Variants in SKA2 observed in about 807,000 individuals in gnomAD.
The protein encoded by SKA2 is spindle and kinetochore-associated protein 2.
A neutral mutation model predicts 16.9 loss-of-function variants in SKA2; 13 were observed. The observed-to-expected ratio is 0.77, with a 90% CI of 0.50 to 1.22. The LOEUF is 1.22. SKA2 is among the 50% of genes most tolerant of loss of function. The pLI is 0.00. For missense variants in SKA2, 107 were observed against 139.7 expected (o/e 0.77, Z 1.18); for synonymous variants, 47 against 48.5 (o/e 0.97, Z 0.13).
At chr17:59,132,596 G>A (rs766533469) in intron 1 of SKA2, among the ~76,000 whole-genome samples, 2 of 152,146 alleles carry the variant, frequency 1.3e-5, no homozygotes, top group Admixed American at 6.5e-5. Context: ...CCGAGGAAGC[G>A]GAAGTTGCAG....
chr17:59,125,201 G>GCTGGTCT (rs1410734809), intron 2 of SKA2, among the ~76,000 whole-genome samples: 1 of 144,808 alleles, frequency 6.9e-6, no homozygotes, highest in African/African-American at 2.5e-5. Flanking sequence ...TGTTGGTCAG[G>GCTGGTCT]CTGGTCTTGA....
At chr17:59,141,723 CAAAA>C (rs540951589) in intron 1 of SKA2, among the ~76,000 whole-genome samples, 7 of 53,316 alleles carry the variant, frequency 1.3e-4, no homozygotes, top group Admixed American at 2.1e-4. Flanking sequence ...GACCTTGTCT[CAAAA>C]AAAAAAAAAA....
intron 2 of SKA2, among the ~76,000 whole-genome samples, chr17:59,120,317 G>A (rs1382500081): frequency 1.3e-5 from 2 of 152,104 alleles, no homozygotes; most frequent in East Asian, 3.8e-4. Flanking sequence ...TATAAACTAT[G>A]CTGGTTTTCC....
At chr17:59,131,457 G>T in intron 1 of SKA2, 90 bp from the exon 2 acceptor site, 2 of 807,168 alleles carry the variant, frequency 2.5e-6, no homozygotes, top group Non-Finnish European at 3.7e-6. Context: ...ACATTTGTTA[G>T]TATTTCAATA....
chr17:59,138,312 A>G (rs2046461660), intron 1 of SKA2, among the ~76,000 whole-genome samples: 1 of 151,888 alleles, frequency 6.6e-6, no homozygotes, highest in South Asian at 2.1e-4. Flanking sequence ...TTGCATAATA[A>G]TTACTGGTTG....
chr17:59,127,372 A>G (rs949152955), intron 2 of SKA2, among the ~76,000 whole-genome samples: 13 of 152,142 alleles, frequency 8.5e-5, no homozygotes, highest in Admixed American at 6.6e-5. Flanking sequence ...GTTGTTATTT[A>G]CATTTTACTA....
chr17:59,117,520 T>C (rs952280238), intron 3 of SKA2, among the ~76,000 whole-genome samples: 20 of 152,254 alleles, frequency 1.3e-4, no homozygotes, highest in African/African-American at 4.6e-4. Context: ...CCCCAAATAG[T>C]TGGAACTACC....
In SKA2 at chr17:59,139,115, C is replaced by T. The variant is rs189284710; in HGVS notation, c.34-7748G>A. Among the ~76,000 whole-genome samples the T allele has an allele frequency of 3.6e-3, 541 of 152,042 alleles. 3 individuals are homozygous for T. Among genetic ancestry groups the T allele is most frequent in the South Asian group, 5.2e-3 (25 of 4,820 alleles). On this transcript the variant is annotated intron_variant, in intron 1 of 3. Coordinates refer to ENST00000330137, the MANE Select transcript of SKA2 (RefSeq NM_182620.4). ...TAAACAGGCTTAGAAATGCATTTTC[C>T]GGCTGGGCGCAGTGGCTCACGCCTG...
In SKA2 at chr17:59,113,799, C is replaced by T. The variant is rs184504006; in HGVS notation, c.298-1454G>A. Among the ~76,000 whole-genome samples, 21 of 151,192 alleles carry T rather than the reference C, an allele frequency of 1.4e-4. No homozygotes were observed. The East Asian group carries it at 3.7e-3, about 27-fold the overall frequency. On this transcript the variant is annotated intron_variant, in intron 3 of 3. Coordinates refer to ENST00000330137, the MANE Select transcript of SKA2 (RefSeq NM_182620.4). ...CAAGATTACGCCATTGCACTCCAGCCTGGGCGACAAGAGTGAAACTCTGTC... is the reference window on the plus strand; with the variant it reads ...CAAGATTACGCCATTGCACTCCAGCTTGGGCGACAAGAGTGAAACTCTGTC...
chr17:59,118,981 T>C (rs936166347), intron 3 of SKA2, among the ~76,000 whole-genome samples: 2 of 152,212 alleles, frequency 1.3e-5, no homozygotes, highest in African/African-American at 4.8e-5. Context: ...ACACAGCTCC[T>C]TGATACAGCA....
At chr17:59,125,146 T>A (rs1330045226) in intron 2 of SKA2, among the ~76,000 whole-genome samples, 1 of 115,982 alleles carries the variant, frequency 8.6e-6, no homozygotes, top group African/African-American at 3.4e-5. Flanking sequence ...GCTAATTTTG[T>A]ATTTTTTTTT....
chr17:59,123,241 C>CTT (rs138522640), intron 2 of SKA2, among the ~76,000 whole-genome samples: 13 of 99,086 alleles, frequency 1.3e-4, no homozygotes, highest in South Asian at 3.3e-4. Flanking sequence ...GTACAAAATT[C>CTT]TTTTTTTTTT....
chr17:59,121,808 A>T (rs1374868894), intron 2 of SKA2, among the ~76,000 whole-genome samples: 2 of 149,458 alleles, frequency 1.3e-5, no homozygotes, highest in Non-Finnish European at 3.0e-5. Context: ...AAAAAAAAAA[A>T]AAAAAAAAAA....
intron 1 of SKA2, among the ~76,000 whole-genome samples, chr17:59,137,060 G>A (rs559048647): frequency 1.5e-4 from 23 of 151,974 alleles, no homozygotes; most frequent in African/African-American, 4.8e-4. Context: ...TTGCCCAGGC[G>A]AGTGCAGTGG....
At chr17:59,153,741 A>T (rs1412772921) in intron 1 of SKA2, among the ~76,000 whole-genome samples, 1 of 152,184 alleles carries the variant, frequency 6.6e-6, no homozygotes, top group Non-Finnish European at 1.5e-5. Context: ...GGGACGGATT[A>T]CAAACGAAGA....
intron 2 of SKA2, among the ~76,000 whole-genome samples, chr17:59,124,030 C>T (rs908881627): frequency 5.3e-5 from 8 of 152,170 alleles, no homozygotes; most frequent in Non-Finnish European, 1.2e-4. Flanking sequence ...TACCATAAGA[C>T]ACTGAGATGA....
intron 1 of SKA2, among the ~76,000 whole-genome samples, chr17:59,138,528 T>G (rs1013236494): frequency 7.2e-5 from 11 of 151,998 alleles, no homozygotes; most frequent in African/African-American, 2.2e-4. Context: ...GCCTCCAGGC[T>G]CAAGCAATTC....
chr17:59,119,089 T>A (rs2046315226), intron 3 of SKA2, among the ~76,000 whole-genome samples: 1 of 152,220 alleles, frequency 6.6e-6, no homozygotes, highest in Non-Finnish European at 1.5e-5. Flanking sequence ...TTTTCTGCCA[T>A]GGTTACATAA....
At position 59,119,399 on chromosome 17, in the gene SKA2, C is replaced by A; in HGVS notation, c.217G>T (p.Glu73Ter). The A allele has an allele frequency of 6.2e-7, 1 of 1,613,972 alleles. No homozygotes were observed. Among genetic ancestry groups the A allele is most frequent in the Non-Finnish European group, 8.5e-7 (1 of 1,179,888 alleles). The change falls in exon 3 of 4, where the codon GAG (glutamate) becomes TAG (stop). Residue 73 changes from glutamate to a stop codon, truncating the protein, a stop_gained. Coordinates refer to ENST00000330137, the MANE Select transcript of SKA2 (RefSeq NM_182620.4). LOFTEE classifies it high-confidence loss of function. ...RFKPVAVEQK[E>*]SKSRICATVK... ...GTAGCACAAATGCGGCTCTTACTCT[C>A]TTTCTGCTCAACAGCAACTGGTTTA...
Sources: gnomAD v4.1 joint callset for allele counts (sites outside exome capture counted in the v4.1 genomes callset) on GRCh38, gnomAD v4.1.1 for gene constraint, MANE v1.5 for transcripts, NCBI Gene and HGNC (gene_info 2026-07-23, HGNC 2026-07-21) for gene names.